SAMD3: variants seen among roughly 807,000 people sequenced by gnomAD.
SAMD3 encodes the protein sterile alpha motif domain containing 3, also known as sterile alpha motif domain-containing protein 3.
In SAMD3, 63 loss-of-function variants were observed where a neutral mutation model predicts 58.5. That is an observed-to-expected ratio of 1.08 (90% CI 0.88 to 1.33). The LOEUF (loss-of-function observed/expected upper bound fraction) is 1.33, where lower values mean the gene tolerates loss of function less well. Ranked by LOEUF, SAMD3 falls within the 40% of genes most tolerant of loss-of-function variation. The pLI is 0.00. For missense variants in SAMD3, 604 were observed against 608.4 expected (o/e 0.99, Z 0.08); for synonymous variants, 220 against 210.3 (o/e 1.05, Z -0.40).
chr6:130,234,949 C>G (rs1177506685), intron 2 of SAMD3, among the ~76,000 whole-genome samples: 2 of 152,072 alleles, frequency 1.3e-5, no homozygotes, highest in East Asian at 1.9e-4. Context: ...CCTGTTTCTA[C>G]TAGAAATAAA....
At chr6:130,211,977 T>G (rs1795612460) in intron 4 of SAMD3, among the ~76,000 whole-genome samples, 1 of 150,928 alleles carries the variant, frequency 6.6e-6, no homozygotes, top group Admixed American at 6.6e-5. Context: ...TACTTCATTT[T>G]ACAGTTGAAG....
intron 5 of SAMD3, among the ~76,000 whole-genome samples, chr6:130,186,874 G>C (rs948298974): frequency 1.3e-5 from 2 of 150,136 alleles, no homozygotes; most frequent in South Asian, 4.2e-4. Context: ...GGGTTCAAGC[G>C]ATTCTCCTGC....
chr6:130,309,621 T>A (rs938010534), intron 2 of SAMD3, among the ~76,000 whole-genome samples: 3 of 152,240 alleles, frequency 2.0e-5, no homozygotes, highest in Non-Finnish European at 4.4e-5. Flanking sequence ...CACCAAGCAG[T>A]GGAATTGAAA....
chr6:130,232,071 C>T (rs1022135280), intron 2 of SAMD3, among the ~76,000 whole-genome samples: 45 of 152,026 alleles, frequency 3.0e-4, no homozygotes, highest in African/African-American at 1.0e-3. Flanking sequence ...GTAGACATTA[C>T]AGATAGACAG....
intron 2 of SAMD3, among the ~76,000 whole-genome samples, chr6:130,271,882 T>G (rs1349220251): frequency 5.9e-5 from 9 of 152,150 alleles, no homozygotes; most frequent in Non-Finnish European, 1.0e-4. Context: ...TCAGATCTCA[T>G]GAGACTTATT....
At chr6:130,167,695 C>T (rs1453431303) in intron 8 of SAMD3, among the ~76,000 whole-genome samples, 1 of 152,184 alleles carries the variant, frequency 6.6e-6, no homozygotes, top group Non-Finnish European at 1.5e-5. Context: ...GGGCTATACG[C>T]TCTCTGGACC....
intron 2 of SAMD3, among the ~76,000 whole-genome samples, chr6:130,247,240 C>T (rs759604744): frequency 2.0e-5 from 3 of 152,082 alleles, no homozygotes; most frequent in African/African-American, 4.8e-5. Flanking sequence ...GAGGCCGAGG[C>T]GGGCGGATCA....
intron 2 of SAMD3, among the ~76,000 whole-genome samples, chr6:130,236,140 G>T (rs1014443204): frequency 9.2e-5 from 14 of 152,214 alleles, no homozygotes; most frequent in African/African-American, 3.1e-4. Context: ...CCAAGTCTTT[G>T]TATACAAATT....
intron 2 of SAMD3, among the ~76,000 whole-genome samples, chr6:130,288,643 A>C (rs754489274): frequency 6.6e-6 from 1 of 152,216 alleles, no homozygotes; most frequent in Non-Finnish European, 1.5e-5. Context: ...TGTGGATGGA[A>C]ACTAATGTGG....
upstream of SAMD3, chr6:130,365,519 G>C (rs1348508894): frequency 1.0e-6 from 1 of 985,328 alleles, no homozygotes. Flanking sequence ...AGCGTCCGAG[G>C]GGCGTGGAGC....
chr6:130,144,655 A>G lies in SAMD3; in HGVS notation c.1428T>C (p.Phe476=), dbSNP rs1788448318. The G allele has an allele frequency of 3.1e-6, 5 of 1,614,150 alleles. No individual in the cohort carries two copies. The highest frequency in any genetic ancestry group is 4.2e-6 in the Non-Finnish European group (5 of 1,180,006). Reference sequence around the variant, plus strand: ...ACAGTCTTCTTGGACACTCAATCCTAAATACATGAAAGGCAGCTACTAGCG... The same window carrying G: ...ACAGTCTTCTTGGACACTCAATCCTGAATACATGAAAGGCAGCTACTAGCG... ...LAALVAAFHV[F]RIECPRRLSQ... is the part of the protein sequence containing the mutation. The change falls in exon 12 of 12, where the codon TTT becomes TTC. Residue 476 remains phenylalanine (F), a synonymous_variant. Coordinates refer to ENST00000439090, the MANE Select transcript of SAMD3 (RefSeq NM_001017373.4).
intron 1 of SAMD3, among the ~76,000 whole-genome samples, chr6:130,344,014 A>T (rs991303104): frequency 6.6e-6 from 1 of 151,364 alleles, no homozygotes; most frequent in Admixed American, 6.6e-5. Flanking sequence ...TACCTCAATA[A>T]CCCCCATAAG....
At chr6:130,344,159 G>A (rs112520126) in intron 1 of SAMD3, among the ~76,000 whole-genome samples, 1 of 152,014 alleles carries the variant, frequency 6.6e-6, no homozygotes, top group Non-Finnish European at 1.5e-5. Flanking sequence ...CAGAAAATTT[G>A]GTAATACATA....
At chr6:130,239,864 G>A (rs1773295148) in intron 2 of SAMD3, among the ~76,000 whole-genome samples, 1 of 152,184 alleles carries the variant, frequency 6.6e-6, no homozygotes, top group Non-Finnish European at 1.5e-5. Flanking sequence ...CACTCACTGT[G>A]GGTTGACCGG....
At chr6:130,267,539 A>G (rs1774404465) in intron 2 of SAMD3, among the ~76,000 whole-genome samples, 1 of 152,140 alleles carries the variant, frequency 6.6e-6, no homozygotes, top group Non-Finnish European at 1.5e-5. Context: ...ATACTGTTTT[A>G]TATTGTTTTA....
In SAMD3 at chr6:130,203,129, TGCA is replaced by T. The variant is rs549617290; in HGVS notation, c.383+6363_383+6365del. 2.6e-5 allele frequency among the ~76,000 whole-genome samples: 4 copies of T among 152,314 alleles called. No individual in the cohort carries two copies. In the East Asian group the frequency reaches 7.7e-4, roughly 29 times the overall value. ...GGCTTCCAGACACTGCTGGCCTACC[TGCA>T]CTTCCTAGAGCTGCTTCCGCTTTGG... On this transcript the variant is annotated intron_variant, in intron 5 of 11. Coordinates refer to ENST00000439090, the MANE Select transcript of SAMD3 (RefSeq NM_001017373.4).
In SAMD3 at chr6:130,182,563, G is replaced by A. The variant is rs181707917; in HGVS notation, c.654+1540C>T. On this transcript the variant is annotated intron_variant, in intron 7 of 11. Transcript: ENST00000439090. ...GGAAGGAAAGAAGGAAGGAAGGGAG[G>A]GAGAGAGGGAGGGAGGGGTAAATAC... 4.9e-3 allele frequency among the ~76,000 whole-genome samples: 734 copies of A among 151,298 alleles called. 5 individuals carry two copies. The highest frequency in any genetic ancestry group is 0.012 in the South Asian group (59 of 4,732).
chr6:130,222,819 A>G lies in SAMD3; in HGVS notation c.-193T>C, dbSNP rs1796275013. 6.6e-6 allele frequency: 1 copy of G among 152,200 alleles called. No homozygotes were observed. Among genetic ancestry groups the G allele is most frequent in the Admixed American group, 6.5e-5 (1 of 15,274 alleles). 9.4% of individuals were successfully genotyped at this position (152,200 alleles called of 1,614,324 possible). On this transcript the variant is annotated 5_prime_UTR_variant, in exon 1 of 12. Coordinates refer to ENST00000439090, the MANE Select transcript of SAMD3 (RefSeq NM_001017373.4). ...TTCTGGTTCCTTTGTTTTATCTGAA[A>G]AATGGAAGATATCACCTACAAATCT...
intron 2 of SAMD3, among the ~76,000 whole-genome samples, chr6:130,230,610 A>T: frequency 6.6e-6 from 1 of 150,462 alleles, no homozygotes; most frequent in African/African-American, 2.5e-5. Flanking sequence ...CTGGTCTTGA[A>T]CTCCTGACCT....
Sources: gnomAD v4.1 joint callset for allele counts (sites outside exome capture counted in the v4.1 genomes callset) on GRCh38, gnomAD v4.1.1 for gene constraint, MANE v1.5 for transcripts, NCBI Gene and HGNC (gene_info 2026-07-23, HGNC 2026-07-21) for gene names.